Variants in TMCO6 observed in about 807,000 individuals in gnomAD.
The protein encoded by TMCO6 is transmembrane and coiled-coil domains 6, also known as transmembrane and coiled-coil domain-containing protein 6.
Under a neutral mutation model 61.8 loss-of-function variants are expected in TMCO6, and 47 were observed. The ratio of observed to expected loss-of-function variants is 0.76; its 90% CI spans 0.60 to 0.97. The LOEUF (loss-of-function observed/expected upper bound fraction) is 0.97, where lower values mean the gene tolerates loss of function less well. TMCO6 is among the 50% of genes least tolerant of loss of function. The pLI is 0.00. For missense variants in TMCO6, 557 were observed against 601.6 expected (o/e 0.93, Z 0.78); for synonymous variants, 261 against 254.2 (o/e 1.03, Z -0.25).
At chr5:140,604,435 T>C in the TMCO6 span, among the ~76,000 whole-genome samples, 1 of 151,812 alleles carries the variant, frequency 6.6e-6, no homozygotes, top group Non-Finnish European at 1.5e-5. Flanking sequence ...TCTTTGTTGT[T>C]GTTGAGTTGT....
chr5:140,643,888 T>C lies in TMCO6; in HGVS notation c.1027T>C (p.Phe343Leu). 6.2e-7 allele frequency: 1 copy of C among 1,614,194 alleles called. No individual in the cohort carries two copies. Among genetic ancestry groups the C allele is most frequent in the Non-Finnish European group, 8.5e-7 (1 of 1,180,028 alleles). Residue 343 changes from phenylalanine (F) to leucine (L), a missense_variant, in exon 9 of 12, where the codon TTT becomes CTT. Phe to Leu is a conservative substitution (Grantham distance 22, BLOSUM62 0). Transcript: ENST00000394671. ...AGATGAGCGTGTTGTGGCAGCCTTA[T>C]TTATCCTTCTGCAGTTCTTTTTCCA... is the stretch of plus-strand genomic sequence containing the variant. ...LRDERVVAAL[F>L]ILLQFFFQKQ...
Position 140,645,085 on chromosome 5 carries a change from C to G in TMCO6, c.1469C>G (p.Ala490Gly), listed in dbSNP as rs1757319289. ...CGTGTGTATGCTCTCCAGCAGACAG[C>G]TCTTCAAGGGTGATCTTGTTTCTCA... is the stretch of plus-strand genomic sequence containing the variant. The part of the protein sequence containing the change: ...QDRVYALQQT[A>G]LQG Residue 490 changes from alanine (A) to glycine (G), a missense_variant, in exon 12 of 12, where the codon GCT becomes GGT. Ala to Gly is a moderately conservative substitution (Grantham distance 60). Transcript: ENST00000394671. 6.2e-7 allele frequency: 1 copy of G among 1,613,966 alleles called. No individual in the cohort carries two copies. The highest frequency in any genetic ancestry group is 1.3e-5 in the African/African-American group (1 of 74,940).
At chr5:140,636,434 A>T (rs1756770849), upstream of TMCO6, among the ~76,000 whole-genome samples, 1 of 151,770 alleles carries the variant, frequency 6.6e-6, no homozygotes, top group Non-Finnish European at 1.5e-5. Context: ...GCACTACTGC[A>T]CTGCAGCGTG....
chr5:140,644,095 T>C lies in TMCO6; in HGVS notation c.1106-5T>C, dbSNP rs745514968. 1.9e-6 allele frequency: 3 copies of C among 1,614,040 alleles called. No individual in the cohort carries two copies. Among genetic ancestry groups the C allele is most frequent in the Non-Finnish European group, 2.5e-6 (3 of 1,180,000 alleles). The stretch of plus-strand genomic sequence containing the variant: ...CAGTTTTTCACCCTGGTACTTCTCT[T>C]CCAGCAAACAGTCCTAGTTTCTGTA... On this transcript the variant is annotated splice_polypyrimidine_tract_variant and splice_region_variant and intron_variant, in intron 9 of 11. Transcript: ENST00000394671.
In TMCO6 at chr5:140,642,647, A is replaced by C; in HGVS notation, c.665A>C (p.Glu222Ala). 1 of 1,614,222 alleles carries C rather than the reference A, an allele frequency of 6.2e-7. No individual in the cohort carries two copies. The highest frequency in any genetic ancestry group is 8.5e-7 in the Non-Finnish European group (1 of 1,180,040). ...GCCTTGTCCCAGCTTCTACAGGCTG[A>C]GGAAGCTCCAGAGAAGATCATTCCG... The part of the protein sequence containing the change: ...GYALSQLLQA[E>A]EAPEKIIPSI... Residue 222 changes from glutamate to alanine, a missense_variant, in exon 6 of 12, where the codon GAG becomes GCG. By Grantham distance (107) the Glu-to-Ala change is moderately radical. Transcript: ENST00000394671.
At chr5:140,621,655 C>T in the TMCO6 span, among the ~76,000 whole-genome samples, 6 of 152,200 alleles carry the variant, frequency 3.9e-5, no homozygotes, top group South Asian at 6.2e-4. Context: ...CTCTGACCGC[C>T]GGTGAGCCGG....
chr5:140,600,614 G>A, the TMCO6 span, among the ~76,000 whole-genome samples: 3 of 151,772 alleles, frequency 2.0e-5, no homozygotes, highest in African/African-American at 4.8e-5. Context: ...ACAGGCACCC[G>A]CCACTGTGCC....
chr5:140,632,548 T>C, the TMCO6 span: 1 of 1,614,110 alleles, frequency 6.2e-7, no homozygotes, highest in Non-Finnish European at 8.5e-7. This position sits in a 1 kb window ranked among gnomAD's most constrained non-coding sequence, Gnocchi z 6.2. Flanking sequence ...AGGCGCAAGC[T>C]GGAAAGTGCA....
At chr5:140,647,647 G>A, downstream of TMCO6, 2 of 1,570,868 alleles carry the variant, frequency 1.3e-6, no homozygotes, top group Non-Finnish European at 1.7e-6. Context: ...CTGACCAACC[G>A]CGGACCCTAA....
At chr5:140,621,320 C>T in the TMCO6 span, among the ~76,000 whole-genome samples, 5 of 152,160 alleles carry the variant, frequency 3.3e-5, no homozygotes, top group South Asian at 2.1e-4. Flanking sequence ...GTGAAGATTT[C>T]GTGGACATTT....
chr5:140,601,804 G>C, the TMCO6 span, among the ~76,000 whole-genome samples: 171 of 152,304 alleles, frequency 1.1e-3, no homozygotes, highest in African/African-American at 4.0e-3. Context: ...AAGACTTCTA[G>C]GAGATTCCAG....
At chr5:140,618,878 A>G in the TMCO6 span, among the ~76,000 whole-genome samples, 1 of 152,236 alleles carries the variant, frequency 6.6e-6, no homozygotes, top group Non-Finnish European at 1.5e-5. Context: ...TTCTTAGACA[A>G]TAACGCAGGA....
chr5:140,603,567 G>A, the TMCO6 span, among the ~76,000 whole-genome samples: 3 of 152,074 alleles, frequency 2.0e-5, no homozygotes, highest in East Asian at 1.9e-4. Flanking sequence ...CTCGGCCTCC[G>A]AAAGTGCTGG....
At chr5:140,599,793 C>T in the TMCO6 span, among the ~76,000 whole-genome samples, 2 of 152,006 alleles carry the variant, frequency 1.3e-5, no homozygotes, top group Non-Finnish European at 2.9e-5. Flanking sequence ...CCCAGCTAGT[C>T]GGGAGGCTGA....
chr5:140,640,415 CTT>C (rs779423368), intron 2 of TMCO6, among the ~76,000 whole-genome samples: 4 of 143,236 alleles, frequency 2.8e-5, no homozygotes, highest in Admixed American at 7.0e-5. Flanking sequence ...CTTTTCTTTT[CTT>C]TTTTTTTTTT....
chr5:140,611,266 CA>C, the TMCO6 span, among the ~76,000 whole-genome samples: 1 of 152,144 alleles, frequency 6.6e-6, no homozygotes, highest in Non-Finnish European at 1.5e-5. Context: ...TGTTCCCATA[CA>C]TCTTCCTGCA....
At chr5:140,633,064 C>A in the TMCO6 span, 15 of 1,614,080 alleles carry the variant, frequency 9.3e-6, no homozygotes, top group Middle Eastern at 1.6e-4. Flanking sequence ...AGACCCTACA[C>A]TCACCATGGT....
At chr5:140,604,964 A>G in the TMCO6 span, among the ~76,000 whole-genome samples, 1 of 152,200 alleles carries the variant, frequency 6.6e-6, no homozygotes, top group Non-Finnish European at 1.5e-5. Context: ...CTTCCAATGC[A>G]TAAACATTGA....
chr5:140,624,247 C>T, the TMCO6 span, among the ~76,000 whole-genome samples: 2 of 152,012 alleles, frequency 1.3e-5, no homozygotes, highest in East Asian at 1.9e-4. Flanking sequence ...TGCCTGTAAT[C>T]CCAGCTACTC....
Sources: gnomAD v4.1 joint callset for allele counts (sites outside exome capture counted in the v4.1 genomes callset) on GRCh38, gnomAD v4.1.1 for gene constraint, Gnocchi (gnomAD v3.1) non-coding constraint, MANE v1.5 for transcripts, NCBI Gene and HGNC (gene_info 2026-07-23, HGNC 2026-07-21) for gene names.